The following TRPM8 variants were observed in gnomAD, a reference collection of about 807,000 sequenced individuals.
TRPM8 encodes the protein TRPM8 cationic channel.
In TRPM8, 110 loss-of-function variants were observed where a neutral mutation model predicts 133.7. That is an observed-to-expected ratio of 0.82 (90% CI 0.70 to 0.96). TRPM8 has a LOEUF of 0.96. TRPM8 is among the 40% of genes least tolerant of loss of function. The probability of loss-of-function intolerance (pLI) is 0.00; values close to 1 mark genes in which losing one functional copy is unlikely to be tolerated. For synonymous variants in TRPM8, 535 were observed against 532.3 expected (o/e 1.01, Z -0.07); for missense variants, 1,291 against 1,379.5 (o/e 0.94, Z 1.02).
At chr2:234,001,808 A>G (rs1692570749) in intron 22 of TRPM8, among the ~76,000 whole-genome samples, 1 of 152,220 alleles carries the variant, frequency 6.6e-6, no homozygotes, top group African/African-American at 2.4e-5. Flanking sequence ...TGGGAGCTGG[A>G]CCAGAGGTGA....
chr2:234,012,534 T>A (rs1692868283), intron 24 of TRPM8, among the ~76,000 whole-genome samples: 1 of 152,006 alleles, frequency 6.6e-6, no homozygotes, highest in Non-Finnish European at 1.5e-5. Context: ...TCATATAAGA[T>A]TATGTTATAT....
Position 233,964,667 on chromosome 2 carries a change from C to A in TRPM8, c.1789C>A (p.Leu597Ile). 1 of 1,611,140 alleles carries A rather than the reference C, an allele frequency of 6.2e-7. No individual in the cohort carries two copies. The highest frequency in any genetic ancestry group is 8.5e-7 in the Non-Finnish European group (1 of 1,178,136). The part of the protein sequence containing the change: ...CTLAALGASK[L>I]LKTLAKVKND... ...TCTGGCAGCCCTGGGAGCCAGCAAG[C>A]TTCTGAAGACTCTGGCCAAAGTGAA... The change falls in exon 14 of 26, where the codon CTT becomes ATT. Residue 597 changes from leucine (L) to isoleucine (I), a missense_variant. This residue lies in a region of TRPM8 where 963 missense variants were observed against 968.9 expected (regional missense o/e 0.99). Coordinates refer to ENST00000324695, the MANE Select transcript of TRPM8 (RefSeq NM_024080.5).
chr2:233,954,449 G>A (rs1389055098), intron 10 of TRPM8, among the ~76,000 whole-genome samples: 8 of 152,106 alleles, frequency 5.3e-5, no homozygotes, highest in Non-Finnish European at 5.9e-5. Context: ...AATTTCCTGA[G>A]GCTTATGAAT....
rs1690940495 is a variant in TRPM8, at chr2:233,942,707, G to A, written c.658G>A (p.Val220Ile). Residue 220 changes from valine to isoleucine, a missense_variant, in exon 6 of 26, where the codon GTC becomes ATC. Around this residue, in one of 2 missense-constraint regions of TRPM8, gnomAD observed 963 missense variants for 968.9 expected, o/e 0.99. Coordinates refer to ENST00000324695, the MANE Select transcript of TRPM8 (RefSeq NM_024080.5). ...CATTGGCATAGCAGCTTGGGGCATG[G>A]TCTCCAACCGGGACACCCTCATCAG... ...VAIGIAAWGM[V>I]SNRDTLIRNC... 1.2e-6 allele frequency: 2 copies of A among 1,614,200 alleles called. No individual in the cohort carries two copies. The highest frequency in any genetic ancestry group is 4.5e-5 in the East Asian group (2 of 44,872).
At chr2:233,969,828 TC>T (rs1691664152) in intron 16 of TRPM8, 21 bp downstream of exon 16, 2 of 1,479,482 alleles carry the variant, frequency 1.4e-6, no homozygotes, top group Admixed American at 1.7e-5. Flanking sequence ...AGGCACATAA[TC>T]GTGTGTGAGT....
chr2:233,981,859 C>T lies in TRPM8; in HGVS notation c.2533C>T (p.His845Tyr). The change falls in exon 19 of 26, where the codon CAC becomes TAC. Residue 845 changes from histidine (H) to tyrosine (Y), a missense_variant. Around this residue, in one of 2 missense-constraint regions of TRPM8, gnomAD observed 328 missense variants for 410.6 expected, o/e 0.80. Transcript: ENST00000324695. ...CATTATTTTCACTCTAAGATTGATC[C>T]ACATTTTTACTGTAAGCAGAAACTT... ...DYIIFTLRLI[H>Y]IFTVSRNLGP... is the part of the protein sequence containing the mutation. 1 of 1,613,568 alleles carries T rather than the reference C, an allele frequency of 6.2e-7. No individual in the cohort carries two copies. Among genetic ancestry groups the T allele is most frequent in the South Asian group, 1.1e-5 (1 of 90,946 alleles).
chr2:233,965,775 A>G (rs1691552738), intron 14 of TRPM8, among the ~76,000 whole-genome samples: 1 of 105,174 alleles, frequency 9.5e-6, no homozygotes, highest in South Asian at 2.9e-4. Context: ...AATTTCCCTG[A>G]GGATCTACAC....
intron 1 of TRPM8, among the ~76,000 whole-genome samples, chr2:233,923,104 C>T (rs773556173): frequency 4.0e-4 from 61 of 152,018 alleles, no homozygotes; most frequent in Admixed American, 9.2e-4. Context: ...CTCCTGGCCT[C>T]GTGATCCGCC....
chr2:233,985,120 C>T (rs1692113992), intron 20 of TRPM8, among the ~76,000 whole-genome samples: 1 of 151,834 alleles, frequency 6.6e-6, no homozygotes, highest in Non-Finnish European at 1.5e-5. Context: ...AATATGTCTG[C>T]TCCGTGCACA....
intron 9 of TRPM8, 73 bp from the exon 10 acceptor site, chr2:233,953,844 A>C: frequency 8.6e-7 from 1 of 1,167,266 alleles, no homozygotes; most frequent in South Asian, 1.5e-5. Context: ...AAGATCTCTC[A>C]CAAAAAGAAA....
At chr2:234,000,530 G>A (rs1454440652) in intron 22 of TRPM8, among the ~76,000 whole-genome samples, 1 of 152,134 alleles carries the variant, frequency 6.6e-6, no homozygotes, top group Non-Finnish European at 1.5e-5. Flanking sequence ...CAGTCAGGGA[G>A]GAAAAATATC....
Position 233,960,862 on chromosome 2 carries a change from C to T in TRPM8, c.1449C>T (p.Asn483=), listed in dbSNP as rs140071296. Reference sequence around the variant, plus strand: ...GCCTCTTTCTGGAGAATGGCTTGAACCTACGGAAGTTTCTCACCCATGATG... The same window carrying T: ...GCCTCTTTCTGGAGAATGGCTTGAATCTACGGAAGTTTCTCACCCATGATG... ...FVRLFLENGL[N]LRKFLTHDVL... is the part of the protein sequence containing the mutation. The change falls in exon 12 of 26, where the codon AAC becomes AAT. Residue 483 remains asparagine, a synonymous_variant. Coordinates refer to ENST00000324695, the MANE Select transcript of TRPM8 (RefSeq NM_024080.5). The T allele has an allele frequency of 1.2e-6, 2 of 1,614,134 alleles. No homozygotes were observed. Among genetic ancestry groups the T allele is most frequent in the African/African-American group, 2.7e-5 (2 of 75,022 alleles).
chr2:233,976,591 A>G (rs969796045), intron 17 of TRPM8, among the ~76,000 whole-genome samples: 5 of 152,042 alleles, frequency 3.3e-5, no homozygotes, highest in African/African-American at 1.2e-4. Flanking sequence ...GTCTGCTTTC[A>G]TTGTGGGTGA....
chr2:233,923,346 T>G (rs1691448258), intron 1 of TRPM8, among the ~76,000 whole-genome samples: 1 of 152,214 alleles, frequency 6.6e-6, no homozygotes. Flanking sequence ...TAGAACATTC[T>G]TTTCTTTGGA....
Position 233,945,960 on chromosome 2 carries a change from T to A in TRPM8, c.804T>A (p.His268Gln), listed in dbSNP as rs762290598. The stretch of plus-strand genomic sequence containing the variant: ...TGCTGCTCGTGGACAATGGCTGTCA[T>A]GGACATCCCACTGTCGAAGCAAAGC... ...THLLLVDNGCHGHPTVEAKLR... is the reference protein window; with the variant it reads ...THLLLVDNGCQGHPTVEAKLR... The change falls in exon 7 of 26, where the codon CAT becomes CAA. Residue 268 changes from histidine to glutamine, a missense_variant. Physicochemically the swap from His to Gln is conservative, Grantham distance 24. Around this residue, in one of 2 missense-constraint regions of TRPM8, gnomAD observed 963 missense variants for 968.9 expected, o/e 0.99. Coordinates refer to ENST00000324695, the MANE Select transcript of TRPM8 (RefSeq NM_024080.5). The A allele has an allele frequency of 6.2e-7, 1 of 1,614,166 alleles. No individual in the cohort carries two copies. The highest frequency in any genetic ancestry group is 8.5e-7 in the Non-Finnish European group (1 of 1,180,012).
At chr2:233,961,630 CTTTTT>C (rs57935574) in intron 12 of TRPM8, among the ~76,000 whole-genome samples, 5 of 111,662 alleles carry the variant, frequency 4.5e-5, no homozygotes, top group East Asian at 4.7e-4. Context: ...CTTTTCTTTT[CTTTTT>C]TTTTTTTTTT....
At chr2:233,969,519 TG>T (rs1559534126) in intron 15 of TRPM8, among the ~76,000 whole-genome samples, 175 bp from the exon 16 acceptor site, 2 of 147,956 alleles carry the variant, frequency 1.4e-5, no homozygotes, top group South Asian at 2.3e-4. Context: ...AGTTTTAAAT[TG>T]TTTTTTTTAA....
intron 16 of TRPM8, 77 bp from the exon 17 acceptor site, chr2:233,970,131 CTA>C (rs1351086270): frequency 7.7e-7 from 1 of 1,298,138 alleles, no homozygotes; most frequent in Non-Finnish European, 1.1e-6. Flanking sequence ...CTGTATTTAT[CTA>C]TGTTTGGAAG....
chr2:233,920,151 G>A (rs916599501), intron 1 of TRPM8, among the ~76,000 whole-genome samples: 7 of 152,168 alleles, frequency 4.6e-5, no homozygotes, highest in Non-Finnish European at 7.3e-5. Context: ...GCAGGATGAC[G>A]TATAGTTTCC....
Sources: allele counts gnomAD v4.1 joint callset (sites outside exome capture counted in the v4.1 genomes callset), GRCh38; gene constraint gnomAD v4.1.1; regional missense constraint gnomAD v4.1.1; transcripts MANE v1.5; gene names NCBI Gene and HGNC (gene_info 2026-07-23, HGNC 2026-07-21).